The following CTNNA3 variants were observed in gnomAD, a reference collection of about 807,000 sequenced individuals.
The protein encoded by CTNNA3 is catenin alpha-3.
A neutral mutation model predicts 95.7 loss-of-function variants in CTNNA3; 76 were observed. The observed-to-expected ratio is 0.79, with a 90% confidence interval of 0.66 to 0.96. CTNNA3 has a LOEUF of 0.96. CTNNA3 is among the 40% of genes least tolerant of loss of function. The pLI is 0.00. For missense variants in CTNNA3, 1,191 were observed against 1,089.8 expected (o/e 1.09, Z -1.31); for synonymous variants, 431 against 374.4 (o/e 1.15, Z -1.74).
At chr10:67,251,025 G>C (rs995840342) in intron 5 of CTNNA3, among the ~76,000 whole-genome samples, 1 of 152,124 alleles carries the variant, frequency 6.6e-6, no homozygotes, top group African/African-American at 2.4e-5. Context: ...ATAAAAACTT[G>C]TACATGAATG....
intron 5 of CTNNA3, among the ~76,000 whole-genome samples, chr10:67,400,230 G>A (rs940396521): frequency 1.8e-4 from 27 of 152,096 alleles, no homozygotes; most frequent in African/African-American, 6.3e-4. Flanking sequence ...TCTGTTGTGA[G>A]TGCTTGTCAT....
intron 11 of CTNNA3, among the ~76,000 whole-genome samples, chr10:66,400,165 A>G (rs2093009333): frequency 6.6e-6 from 1 of 152,030 alleles, no homozygotes; most frequent in South Asian, 2.1e-4. Context: ...GAATCAAAAC[A>G]TGTTTACAAA....
chr10:66,521,776 C>T (rs547773712), intron 10 of CTNNA3, among the ~76,000 whole-genome samples: 2 of 152,140 alleles, frequency 1.3e-5, no homozygotes, highest in Non-Finnish European at 2.9e-5. Flanking sequence ...TGGATCACTT[C>T]CAACTCTCAG....
chr10:66,081,892 G>A (rs919225765), intron 14 of CTNNA3, among the ~76,000 whole-genome samples: 6 of 152,050 alleles, frequency 3.9e-5, no homozygotes, highest in Non-Finnish European at 7.4e-5. Context: ...TGCGGTGGGC[G>A]GATCACTTGA....
intron 7 of CTNNA3, among the ~76,000 whole-genome samples, chr10:66,803,140 C>T (rs1442891722): frequency 1.3e-5 from 2 of 152,022 alleles, no homozygotes; most frequent in Non-Finnish European, 2.9e-5. Context: ...AAAGGTGTTG[C>T]ATCGTTTTTA....
intron 1 of CTNNA3, among the ~76,000 whole-genome samples, chr10:67,730,382 G>C (rs1275124926): frequency 2.6e-5 from 4 of 151,504 alleles, no homozygotes; most frequent in Non-Finnish European, 4.4e-5. Context: ...CATTTTTTTA[G>C]CCAGTCACAC....
intron 7 of CTNNA3, among the ~76,000 whole-genome samples, chr10:66,966,608 A>G (rs1849425752): frequency 6.6e-6 from 1 of 152,120 alleles, no homozygotes; most frequent in Non-Finnish European, 1.5e-5. Context: ...AAAATTTAAT[A>G]GATCATACAC....
intron 5 of CTNNA3, among the ~76,000 whole-genome samples, chr10:67,242,459 T>A (rs1446392098): frequency 6.6e-6 from 1 of 152,226 alleles, no homozygotes; most frequent in East Asian, 1.9e-4. Context: ...ACTTTAAAGC[T>A]AAGACTACAA....
At chr10:66,443,092 C>A (rs1051207877) in intron 11 of CTNNA3, among the ~76,000 whole-genome samples, 4 of 152,100 alleles carry the variant, frequency 2.6e-5, no homozygotes, top group African/African-American at 4.8e-5. Flanking sequence ...ACTGCAAGGC[C>A]ACAGGGAGGC....
chr10:66,490,250 T>TATA lies in CTNNA3; in HGVS notation c.1531+30364_1531+30366dup, dbSNP rs533294205. Among the ~76,000 whole-genome samples the TATA allele has an allele frequency of 1.3e-3, 191 of 152,282 alleles. 2 individuals are homozygous for TATA. Among genetic ancestry groups the TATA allele is most frequent in the Admixed American group, 3.8e-3 (58 of 15,290 alleles). On this transcript the variant is annotated intron_variant, in intron 11 of 17. Transcript: ENST00000433211. ...CTATTTACCCTACTAGAATGAATTA[T>TATA]ATAATATTTTTTCATAATATTTTTC...
At chr10:66,087,907 CAA>C (rs1422598972) in intron 14 of CTNNA3, among the ~76,000 whole-genome samples, 1 of 151,966 alleles carries the variant, frequency 6.6e-6, no homozygotes, top group East Asian at 1.9e-4. Flanking sequence ...TAGCCTCTAT[CAA>C]AAGATAGAGA....
rs112752514 is a variant in CTNNA3 at position 66,722,120 on chromosome 10, T to G, written c.1281+44144A>C. ...AAGGCCGGGTGCGGTGGCTCATGCC[T>G]GTAATCCCAGCACTTTGGGAGGCTG... On this transcript the variant is annotated intron_variant, in intron 9 of 17. Coordinates refer to ENST00000433211, the MANE Select transcript of CTNNA3 (RefSeq NM_013266.4). 7.1e-3 allele frequency among the ~76,000 whole-genome samples: 1,082 copies of G among 152,304 alleles called. 10 individuals are homozygous for G. Among genetic ancestry groups the G allele is most frequent in the African/African-American group, 0.025 (1,024 of 41,574 alleles).
chr10:67,070,017 A>G (rs941445270), intron 7 of CTNNA3, among the ~76,000 whole-genome samples: 1 of 152,216 alleles, frequency 6.6e-6, no homozygotes, highest in East Asian at 1.9e-4. Flanking sequence ...ACCCACTAGC[A>G]GACCATGAGA....
At chr10:66,095,432 G>C (rs2081353970) in intron 14 of CTNNA3, among the ~76,000 whole-genome samples, 1 of 151,970 alleles carries the variant, frequency 6.6e-6, no homozygotes, top group African/African-American at 2.4e-5. Context: ...GATTAAAACT[G>C]TTTTTTATAA....
At chr10:66,547,498 A>T (rs1020526870) in intron 10 of CTNNA3, among the ~76,000 whole-genome samples, 11 of 149,982 alleles carry the variant, frequency 7.3e-5, no homozygotes, top group Non-Finnish European at 1.6e-4. Flanking sequence ...GCCCGCCACC[A>T]CGCCCAGTTA....
At chr10:66,573,028 A>C (rs1338146611) in intron 10 of CTNNA3, among the ~76,000 whole-genome samples, 2 of 152,318 alleles carry the variant, frequency 1.3e-5, no homozygotes, top group Admixed American at 6.5e-5. Context: ...GTCTGTGCAC[A>C]GGACTAATAC....
chr10:66,153,854 C>T (rs1282980846), intron 13 of CTNNA3, among the ~76,000 whole-genome samples: 2 of 149,198 alleles, frequency 1.3e-5, no homozygotes, highest in Non-Finnish European at 3.0e-5. Context: ...TGTTTACACA[C>T]ACACACACAC....
intron 12 of CTNNA3, among the ~76,000 whole-genome samples, chr10:66,282,648 C>T (rs926069804): frequency 1.3e-5 from 2 of 151,730 alleles, no homozygotes; most frequent in Admixed American, 1.3e-4. Context: ...CATAGTTCTT[C>T]CCATGTCTAA....
chr10:67,049,964 T>C (rs934073277), intron 7 of CTNNA3, among the ~76,000 whole-genome samples: 11 of 152,250 alleles, frequency 7.2e-5, no homozygotes, highest in African/African-American at 2.7e-4. Flanking sequence ...GGATGTATTA[T>C]TCATAACTTA....
Sources: gnomAD v4.1 joint callset for allele counts (sites outside exome capture counted in the v4.1 genomes callset) on GRCh38, gnomAD v4.1.1 for gene constraint, MANE v1.5 for transcripts, NCBI Gene and HGNC (gene_info 2026-07-23, HGNC 2026-07-21) for gene names.